The following AUTS2 variants were observed in gnomAD, a reference collection of about 807,000 sequenced individuals.
The protein encoded by AUTS2 is activator of transcription and developmental regulator AUTS2.
A neutral mutation model predicts 112.4 loss-of-function variants in AUTS2; 17 were observed. The ratio of observed to expected loss-of-function variants is 0.15; its 90% CI spans 0.10 to 0.23. The LOEUF is 0.23. Ranked by LOEUF, AUTS2 falls within the 10% of genes least tolerant of loss-of-function variation. AUTS2 has a pLI of 1.00. For synonymous variants in AUTS2, 751 were observed against 702.7 expected (o/e 1.07, Z -1.09); for missense variants, 1,510 against 1,701.6 (o/e 0.89, Z 1.98).
At chr7:70,610,113 C>T (rs1004864426) in intron 5 of AUTS2, among the ~76,000 whole-genome samples, 24 of 152,074 alleles carry the variant, frequency 1.6e-4, no homozygotes, top group Non-Finnish European at 7.3e-5. Flanking sequence ...GATGCTCTTG[C>T]CTTAGCCTCT....
intron 4 of AUTS2, among the ~76,000 whole-genome samples, chr7:70,354,752 G>T (rs1791916324): frequency 6.6e-6 from 1 of 152,140 alleles, no homozygotes; most frequent in African/African-American, 2.4e-5. Context: ...CTAAGCTTTA[G>T]TCAATAAAAT....
At chr7:70,691,235 G>T (rs1407444246) in intron 5 of AUTS2, among the ~76,000 whole-genome samples, 1 of 152,042 alleles carries the variant, frequency 6.6e-6, no homozygotes, top group Non-Finnish European at 1.5e-5. Flanking sequence ...CTTTCTATTA[G>T]AAAGGGTTGC....
intron 4 of AUTS2, among the ~76,000 whole-genome samples, chr7:70,413,651 G>C (rs1384951052): frequency 6.6e-6 from 1 of 151,090 alleles, no homozygotes; most frequent in Non-Finnish European, 1.5e-5. Context: ...AGTTACCTAA[G>C]CACAATTTCT....
intron 4 of AUTS2, among the ~76,000 whole-genome samples, chr7:70,213,112 A>T (rs995060859): frequency 1.3e-5 from 2 of 152,196 alleles, no homozygotes; most frequent in Non-Finnish European, 2.9e-5. Flanking sequence ...CCCACATTAT[A>T]TAAATGTATC....
chr7:70,562,849 G>A (rs1406669709), intron 5 of AUTS2, among the ~76,000 whole-genome samples: 1 of 152,220 alleles, frequency 6.6e-6, no homozygotes, highest in African/African-American at 2.4e-5. Context: ...AAATGAATAA[G>A]CAAATGACAA....
At chr7:70,368,653 C>T (rs1792696992) in intron 4 of AUTS2, among the ~76,000 whole-genome samples, 1 of 152,188 alleles carries the variant, frequency 6.6e-6, no homozygotes, top group Admixed American at 6.5e-5. Flanking sequence ...CGGTATTTGC[C>T]TCTGCAGTCA....
At chr7:70,105,915 T>C (rs1804743808) in intron 2 of AUTS2, among the ~76,000 whole-genome samples, 1 of 152,220 alleles carries the variant, frequency 6.6e-6, no homozygotes, top group Admixed American at 6.5e-5. Flanking sequence ...AATTTTCAGC[T>C]TCTCATAAAT....
chr7:70,469,947 T>C (rs1797315872), intron 5 of AUTS2, among the ~76,000 whole-genome samples: 1 of 152,030 alleles, frequency 6.6e-6, no homozygotes, highest in African/African-American at 2.4e-5. Context: ...GCCAGGTTCA[T>C]GGTTTTAGAG....
chr7:70,561,181 C>T (rs1345946687), intron 5 of AUTS2, among the ~76,000 whole-genome samples: 2 of 152,224 alleles, frequency 1.3e-5, no homozygotes, highest in African/African-American at 2.4e-5. Context: ...CAGGCTCCCT[C>T]TCCAAACTCA....
intron 5 of AUTS2, among the ~76,000 whole-genome samples, chr7:70,463,848 G>C (rs1339618411): frequency 6.6e-6 from 1 of 152,246 alleles, no homozygotes; most frequent in East Asian, 1.9e-4. Flanking sequence ...GGCGGAGGGA[G>C]TAGTTTGCTC....
intron 5 of AUTS2, among the ~76,000 whole-genome samples, chr7:70,538,539 A>AAG (rs1344834065): frequency 6.6e-6 from 1 of 152,122 alleles, no homozygotes; most frequent in South Asian, 2.1e-4. Context: ...CAAAAAAAGA[A>AAG]AGAGAGAGAG....
At chr7:70,118,007 G>T in intron 2 of AUTS2, 125 bp from the exon 3 acceptor site, 1 of 1,209,486 alleles carries the variant, frequency 8.3e-7, no homozygotes. Context: ...CTCTGCCTCC[G>T]AAAGTGCTGG....
chr7:69,949,342 G>A (rs1796939656), intron 2 of AUTS2, among the ~76,000 whole-genome samples: 1 of 152,196 alleles, frequency 6.6e-6, no homozygotes, highest in Non-Finnish European at 1.5e-5. Context: ...GTCAGTTACT[G>A]TGTTAAATGT....
chr7:69,682,589 G>A (rs569740836), intron 1 of AUTS2, among the ~76,000 whole-genome samples: 1 of 152,258 alleles, frequency 6.6e-6, no homozygotes, highest in South Asian at 2.1e-4. Flanking sequence ...CTTAATATTT[G>A]TCTCTTTATT....
At chr7:70,097,409 C>A (rs1804262559) in intron 2 of AUTS2, among the ~76,000 whole-genome samples, 1 of 152,132 alleles carries the variant, frequency 6.6e-6, no homozygotes, top group African/African-American at 2.4e-5. Flanking sequence ...AAAAATGCAT[C>A]CCTCTTGATG....
chr7:70,429,359 T>A (rs141002969), intron 4 of AUTS2, among the ~76,000 whole-genome samples: 18 of 152,248 alleles, frequency 1.2e-4, no homozygotes, highest in African/African-American at 3.6e-4. Flanking sequence ...GGCAGTACAG[T>A]TTTGTAAGGG....
At chr7:70,211,135 C>T (rs904782078) in intron 4 of AUTS2, among the ~76,000 whole-genome samples, 4 of 152,086 alleles carry the variant, frequency 2.6e-5, no homozygotes, top group Non-Finnish European at 5.9e-5. Flanking sequence ...ATGGCAGTCT[C>T]GCCTGGACCG....
chr7:70,415,461 AT>A (rs1272418548), intron 4 of AUTS2, among the ~76,000 whole-genome samples: 4 of 152,296 alleles, frequency 2.6e-5, no homozygotes, highest in South Asian at 2.1e-4. Context: ...TAAGATTTTC[AT>A]TTTTTCATGA....
chr7:70,628,309 C>T (rs923202501), intron 5 of AUTS2, among the ~76,000 whole-genome samples: 4 of 76,108 alleles, frequency 5.3e-5, no homozygotes, highest in African/African-American at 1.7e-4. Context: ...TTTTAATTTG[C>T]AAAACTATAT....
Sources: gnomAD v4.1 joint callset for allele counts (sites outside exome capture counted in the v4.1 genomes callset) on GRCh38, gnomAD v4.1.1 for gene constraint, MANE v1.5 for transcripts, NCBI Gene and HGNC (gene_info 2026-07-23, HGNC 2026-07-21) for gene names.